CREB1: variants seen among roughly 807,000 people sequenced by gnomAD.
CREB1 encodes the protein cAMP responsive element binding protein 1.
In CREB1, 2 loss-of-function variants were observed where a neutral mutation model predicts 42.0. The observed-to-expected ratio is 0.05, with a 90% CI of 0.02 to 0.15. The LOEUF is 0.15. Among genes scored for constraint, CREB1 ranks in the 10% least tolerant of loss-of-function variants. The pLI, the probability that CREB1 is intolerant of heterozygous loss-of-function variation, is 1.00. For missense variants in CREB1, 199 were observed against 388.9 expected (o/e 0.51, Z 4.11); for synonymous variants, 123 against 139.9 (o/e 0.88, Z 0.85).
At chr2:207,582,760 G>A (rs2106632886) in intron 7 of CREB1, 1 of 203,016 alleles carries the variant, frequency 4.9e-6, no homozygotes, top group South Asian at 5.7e-5. Context: ...CGGGGTGGTG[G>A]TGCACGCTTG....
chr2:207,532,330 A>G (rs1463123943), intron 1 of CREB1, among the ~76,000 whole-genome samples: 1 of 151,390 alleles, frequency 6.6e-6, no homozygotes, highest in African/African-American at 2.4e-5. Context: ...TCAAAGAAAA[A>G]AAAAAAAAAG....
At chr2:207,531,788 A>G (rs1004174580) in intron 1 of CREB1, among the ~76,000 whole-genome samples, 1 of 152,336 alleles carries the variant, frequency 6.6e-6, no homozygotes, top group Admixed American at 6.5e-5. Flanking sequence ...ACAAATATTG[A>G]TTGGCAGCAG....
intron 7 of CREB1, chr2:207,581,559 G>A: frequency 4.1e-6 from 1 of 245,328 alleles, no homozygotes. Flanking sequence ...ACATTCTAAA[G>A]TCAGTTTTTT....
chr2:207,549,938 C>G (rs1272152021), intron 1 of CREB1, among the ~76,000 whole-genome samples: 1 of 151,670 alleles, frequency 6.6e-6, no homozygotes, highest in African/African-American at 2.4e-5. Context: ...CCACCACACT[C>G]CAGCCTGGGC....
At chr2:207,560,105 G>T in intron 2 of CREB1, 121 bp from the exon 3 acceptor site, 2 of 811,260 alleles carry the variant, frequency 2.5e-6, no homozygotes, top group Non-Finnish European at 1.8e-6. Flanking sequence ...TTTCATATCA[G>T]TGAAATACAT....
chr2:207,541,838 G>C (rs2081110534), intron 1 of CREB1, among the ~76,000 whole-genome samples: 1 of 152,076 alleles, frequency 6.6e-6, no homozygotes, highest in Non-Finnish European at 1.5e-5. Context: ...TCTCCTCTCA[G>C]CCATCACCTC....
At chr2:207,593,625 A>G (rs1183109805) in intron 7 of CREB1, among the ~76,000 whole-genome samples, 1 of 152,142 alleles carries the variant, frequency 6.6e-6, no homozygotes, top group African/African-American at 2.4e-5. Context: ...TGCCATTTGG[A>G]GTTACCTAAA....
chr2:207,576,697 A>G, intron 6 of CREB1: 1 of 1,275,290 alleles, frequency 7.8e-7, no homozygotes. Flanking sequence ...GAAGATGGTA[A>G]CATGTTTAGT....
chr2:207,578,457 G>T (rs1214324164), intron 7 of CREB1, among the ~76,000 whole-genome samples: 3 of 152,164 alleles, frequency 2.0e-5, no homozygotes, highest in African/African-American at 7.2e-5. Flanking sequence ...CTGATAAAGT[G>T]AAAGAAGCAG....
chr2:207,557,645 G>A (rs1046186187), intron 2 of CREB1, among the ~76,000 whole-genome samples: 26 of 152,120 alleles, frequency 1.7e-4, no homozygotes, highest in African/African-American at 5.3e-4. Flanking sequence ...GTGACAGAGC[G>A]AGACTCCATC....
intron 7 of CREB1, among the ~76,000 whole-genome samples, chr2:207,591,367 A>G (rs2084991642): frequency 6.6e-6 from 1 of 152,200 alleles, no homozygotes; most frequent in Non-Finnish European, 1.5e-5. Flanking sequence ...TATCCCTGAC[A>G]ATATTCCTTC....
chr2:207,543,019 C>G (rs2081156931), intron 1 of CREB1, among the ~76,000 whole-genome samples: 1 of 152,194 alleles, frequency 6.6e-6, no homozygotes, highest in Non-Finnish European at 1.5e-5. Flanking sequence ...CCTTCAGGTA[C>G]CAAATCCACG....
chr2:207,596,442 T>C lies in CREB1; in HGVS notation c.840-472T>C, dbSNP rs566973072. On this transcript the variant is annotated intron_variant, in intron 7 of 7. Transcript: ENST00000353267. ...TTGTTTATGGAGTTGTTTTTTTGTT[T>C]GTTTCTTTGAGACGGAGTCTCACTC... is the stretch of plus-strand genomic sequence containing the variant. 5.3e-5 allele frequency among the ~76,000 whole-genome samples: 8 copies of C among 152,364 alleles called. No individual in the cohort carries two copies. The South Asian group carries it at 1.7e-3, about 32-fold the overall frequency.
rs2087547399 is a variant in CREB1, at chr2:207,603,755, C to T, written c.*6697C>T. Among the ~76,000 whole-genome samples the T allele has an allele frequency of 6.6e-6, 1 of 152,078 alleles. No homozygotes were observed. The highest frequency in any genetic ancestry group is 2.4e-5 in the African/African-American group (1 of 41,402). On this transcript the variant is annotated 3_prime_UTR_variant, in exon 8 of 8. Transcript: ENST00000353267. ...ACTGAAAGGACAATAAGACTATATA[C>T]CTTCTCAGGTCCCCTTGCAATTCTA...
At position 207,603,209 on chromosome 2, in the gene CREB1, AT is replaced by A. The variant is rs555502133; in HGVS notation, c.*6152del. ...TTGTGCTTTATGTGTAAAGAAAAAAATGTACTGAGTTACAATGCATTTTATT... is the reference window on the plus strand; with the variant it reads ...TTGTGCTTTATGTGTAAAGAAAAAAAGTACTGAGTTACAATGCATTTTATT... On this transcript the variant is annotated 3_prime_UTR_variant, in exon 8 of 8. Transcript: ENST00000353267. 346 of 216,828 alleles carry A rather than the reference AT, an allele frequency of 1.6e-3. 3 individuals are homozygous for A. The highest frequency in any genetic ancestry group is 7.3e-3 in the African/African-American group (324 of 44,608). 13.4% of individuals were successfully genotyped at this position (216,828 alleles called of 1,614,324 possible).
chr2:207,561,084 C>T (rs771774509), intron 3 of CREB1: 2 of 1,603,746 alleles, frequency 1.2e-6, no homozygotes, highest in East Asian at 4.5e-5. Context: ...TAGGCCATAA[C>T]CCCAGCCTCC....
rs1425890077 is a variant in CREB1, at chr2:207,598,318, ATTAG to A, written c.*1263_*1266del. The A allele has an allele frequency of 5.4e-6, 1 of 183,952 alleles. No individual in the cohort carries two copies. Among genetic ancestry groups the A allele is most frequent in the Non-Finnish European group, 1.2e-5 (1 of 86,612 alleles). The allele number at this position is 183,952 out of a possible 1,614,324, so 11.4% of individuals were successfully genotyped here. On this transcript the variant is annotated 3_prime_UTR_variant, in exon 8 of 8. Transcript: ENST00000353267. ...TTGTTCTCTTGTAAAAAGAGTAGTT[ATTAG>A]TTCTGCTTTAGCTTTCCAATATGCT...
intron 2 of CREB1, among the ~76,000 whole-genome samples, chr2:207,558,593 C>G (rs748578166): frequency 2.3e-4 from 35 of 152,040 alleles, no homozygotes; most frequent in Non-Finnish European, 4.3e-4. Flanking sequence ...GGTCTCCCCA[C>G]CACCAGTTTT....
intron 1 of CREB1, among the ~76,000 whole-genome samples, chr2:207,544,536 C>T (rs1177010989): frequency 6.6e-6 from 1 of 152,158 alleles, no homozygotes; most frequent in East Asian, 1.9e-4. Flanking sequence ...TCTGTAAGCT[C>T]TTGAGAGAAA....
Sources: allele counts gnomAD v4.1 joint callset (sites outside exome capture counted in the v4.1 genomes callset), GRCh38; gene constraint gnomAD v4.1.1; transcripts MANE v1.5; gene names NCBI Gene and HGNC (gene_info 2026-07-23, HGNC 2026-07-21).